PTPRA: variants seen among roughly 807,000 people sequenced by gnomAD.
PTPRA encodes the protein protein tyrosine phosphatase receptor type A.
Under a neutral mutation model 104.8 loss-of-function variants are expected in PTPRA, and 25 were observed. That is an observed-to-expected ratio of 0.24 (90% CI 0.17 to 0.33). The LOEUF is 0.33. PTPRA is among the 10% of genes least tolerant of loss of function. The pLI is 1.00. For synonymous variants in PTPRA, 323 were observed against 368.9 expected, an observed-to-expected ratio of 0.88 and a Z score of 1.43; for missense variants, 765 against 1,015.3, an observed-to-expected ratio of 0.75 and a Z score of 3.35.
intron 1 of PTPRA, among the ~76,000 whole-genome samples, chr20:2,885,097 G>A (rs899323598): frequency 1.3e-5 from 2 of 152,110 alleles, no homozygotes; most frequent in Non-Finnish European, 2.9e-5. Context: ...CACTGCGCCC[G>A]GTTTGAGGAA....
At chr20:3,011,866 A>T (rs949073260) in intron 11 of PTPRA, among the ~76,000 whole-genome samples, 1 of 152,238 alleles carries the variant, frequency 6.6e-6, no homozygotes, top group Non-Finnish European at 1.5e-5. Context: ...AGATCTATGC[A>T]GCATGTGACT....
intron 1 of PTPRA, among the ~76,000 whole-genome samples, chr20:2,920,510 G>A (rs2094748786): frequency 6.6e-6 from 1 of 152,172 alleles, no homozygotes; most frequent in African/African-American, 2.4e-5. Context: ...ACTCTAATGT[G>A]CAGCCACTGG....
chr20:2,993,308 C>T (rs868314680), intron 9 of PTPRA, among the ~76,000 whole-genome samples: 2 of 152,224 alleles, frequency 1.3e-5, no homozygotes, highest in South Asian at 2.1e-4. Flanking sequence ...AGGCCTTTGA[C>T]TTTCAGAAAA....
chr20:2,933,608 A>G (rs1187205691), intron 2 of PTPRA, among the ~76,000 whole-genome samples: 1 of 151,730 alleles, frequency 6.6e-6, no homozygotes, highest in African/African-American at 2.4e-5. Flanking sequence ...TTACAGGCGC[A>G]CGCCACCACG....
intron 5 of PTPRA, among the ~76,000 whole-genome samples, chr20:2,966,129 T>C (rs1010335097): frequency 1.5e-4 from 23 of 152,200 alleles, no homozygotes; most frequent in African/African-American, 5.5e-4. Context: ...ACAGATGATA[T>C]CTTTTACTGC....
At chr20:2,964,535 C>T (rs1600182951) in intron 4 of PTPRA, among the ~76,000 whole-genome samples, 185 bp downstream of exon 4, 1 of 152,316 alleles carries the variant, frequency 6.6e-6, no homozygotes, top group East Asian at 1.9e-4. Flanking sequence ...TTCATACATA[C>T]ATAACTGCTT....
At chr20:2,944,464 TTAACG>T (rs2061050197) in intron 2 of PTPRA, among the ~76,000 whole-genome samples, 1 of 152,224 alleles carries the variant, frequency 6.6e-6, no homozygotes. Flanking sequence ...GGCCTCTCTC[TTAACG>T]TAAGGAAGTG....
At chr20:2,898,165 C>T (rs978284924) in intron 1 of PTPRA, among the ~76,000 whole-genome samples, 6 of 151,954 alleles carry the variant, frequency 3.9e-5, no homozygotes, top group Admixed American at 6.6e-5. Context: ...GGCGCGATCT[C>T]GGCTCACTGC....
chr20:3,004,235 C>T (rs1057492660), intron 9 of PTPRA, among the ~76,000 whole-genome samples: 1 of 152,164 alleles, frequency 6.6e-6, no homozygotes, highest in African/African-American at 2.4e-5. Flanking sequence ...CCAGGCTGGT[C>T]TCGAACTCCT....
intron 2 of PTPRA, among the ~76,000 whole-genome samples, chr20:2,939,866 G>A (rs1234259459): frequency 6.6e-6 from 1 of 152,238 alleles, no homozygotes; most frequent in African/African-American, 2.4e-5. Flanking sequence ...CAGCACTTTG[G>A]GAGGCCAAGG....
chr20:3,012,740 C>T (rs982914351), intron 11 of PTPRA, among the ~76,000 whole-genome samples: 1 of 152,206 alleles, frequency 6.6e-6, no homozygotes, highest in Admixed American at 6.5e-5. Context: ...ATTCAGAGGC[C>T]GTTTGTTGCA....
At chr20:2,947,307 G>T (rs180846234) in intron 2 of PTPRA, among the ~76,000 whole-genome samples, 1 of 152,068 alleles carries the variant, frequency 6.6e-6, no homozygotes, top group African/African-American at 2.4e-5. Flanking sequence ...ATTTCTCAGC[G>T]CCTTGTATTT....
chr20:3,017,775 T>G, intron 12 of PTPRA, 41 bp from the exon 13 acceptor site: 1 of 1,548,594 alleles, frequency 6.5e-7, no homozygotes, highest in Non-Finnish European at 8.9e-7. Flanking sequence ...ATCTTTCTTC[T>G]TGGTGTATAT....
intron 3 of PTPRA, among the ~76,000 whole-genome samples, chr20:2,959,096 T>A (rs2147880907): frequency 6.6e-6 from 1 of 152,290 alleles, no homozygotes; most frequent in South Asian, 2.1e-4. Context: ...CGGATGAGGT[T>A]TTCACTGTGA....
chr20:2,922,680 T>C (rs1427842139), intron 1 of PTPRA, among the ~76,000 whole-genome samples: 1 of 151,110 alleles, frequency 6.6e-6, no homozygotes, highest in Non-Finnish European at 1.5e-5. Flanking sequence ...CTTTGTCGCC[T>C]GAGCTGGAGT....
At chr20:3,015,655 C>T (rs891417841) in intron 11 of PTPRA, among the ~76,000 whole-genome samples, 194 bp from the exon 12 acceptor site, 1 of 152,140 alleles carries the variant, frequency 6.6e-6, no homozygotes, top group African/African-American at 2.4e-5. Context: ...AGAAGACTAC[C>T]TAGACTATTT....
chr20:2,965,241 G>T, intron 5 of PTPRA, 39 bp downstream of exon 5: 1 of 1,504,904 alleles, frequency 6.6e-7, no homozygotes, highest in Non-Finnish European at 9.0e-7. Flanking sequence ...TGCTCTTTGA[G>T]TTTAGTCTTC....
At chr20:2,957,605 GA>G (rs1308796445) in intron 3 of PTPRA, among the ~76,000 whole-genome samples, 2 of 152,174 alleles carry the variant, frequency 1.3e-5, no homozygotes, top group East Asian at 3.8e-4. Context: ...AAACTGGTAT[GA>G]AAGGGAGGGG....
At chr20:2,929,256 G>A (rs1016436366) in intron 2 of PTPRA, among the ~76,000 whole-genome samples, 8 of 151,964 alleles carry the variant, frequency 5.3e-5, no homozygotes, top group Non-Finnish European at 1.0e-4. Context: ...CTGGCCTGCT[G>A]TTTTTTCTTT....
Sources: gnomAD v4.1 joint callset for allele counts (sites outside exome capture counted in the v4.1 genomes callset) on GRCh38, gnomAD v4.1.1 for gene constraint, MANE v1.5 for transcripts, NCBI Gene and HGNC (gene_info 2026-07-23, HGNC 2026-07-21) for gene names.